XPO6: variants seen among roughly 807,000 people sequenced by gnomAD.
XPO6 encodes the protein exportin-6.
Under a neutral mutation model 130.0 loss-of-function variants are expected in XPO6, and 3 were observed. That is an observed-to-expected ratio of 0.02 (90% CI 0.01 to 0.06). The LOEUF is 0.06. Among genes scored for constraint, XPO6 ranks in the 10% least tolerant of loss-of-function variants. XPO6 has a pLI of 1.00. For missense variants in XPO6, 970 were observed against 1,393.0 expected (o/e 0.70, Z 4.83); for synonymous variants, 524 against 548.9 (o/e 0.95, Z 0.63).
At chr16:28,141,089 TGTC>T (rs2042883027) in intron 9 of XPO6, among the ~76,000 whole-genome samples, 1 of 152,248 alleles carries the variant, frequency 6.6e-6, no homozygotes, top group African/African-American at 2.4e-5. Context: ...TGCACCACAA[TGTC>T]ATGTGTAACA....
chr16:28,211,218 ACACTCTG>A (rs2044124278), intron 1 of XPO6, 141 bp downstream of exon 1: 1 of 784,536 alleles, frequency 1.3e-6, no homozygotes, highest in Admixed American at 4.3e-5. Context: ...CCGGGGCTGC[ACACTCTG>A]CACGCATGTG....
At chr16:28,124,192 G>C (rs1236940388) in intron 13 of XPO6, among the ~76,000 whole-genome samples, 1 of 151,898 alleles carries the variant, frequency 6.6e-6, no homozygotes, top group East Asian at 1.9e-4. Context: ...TGAGTATCTG[G>C]GATTACAGGC....
rs2086583759 is a variant in XPO6 at position 28,098,568 on chromosome 16, G to T, written c.3348C>A (p.Asp1116Glu). ...NDLRYYRLCNDSLPPGTVKL is the reference protein window; with the variant it reads ...NDLRYYRLCNESLPPGTVKL ...GCTTCACAGTGCCAGGGGGCAGGCT[G>T]TCGTTGCAGAGTCTGTAGTAGCGCA... Residue 1116 changes from aspartate to glutamate, a missense_variant, in exon 24 of 24, where the codon GAC (aspartate) becomes GAA (glutamate). By Grantham distance (45) the Asp-to-Glu change is conservative. Coordinates refer to ENST00000304658, the MANE Select transcript of XPO6 (RefSeq NM_015171.4). 6.2e-7 allele frequency: 1 copy of T among 1,612,698 alleles called. No individual in the cohort carries two copies. The highest frequency in any genetic ancestry group is 1.3e-5 in the African/African-American group (1 of 74,910).
intron 1 of XPO6, among the ~76,000 whole-genome samples, chr16:28,207,025 T>C (rs2044042488): frequency 6.6e-6 from 1 of 152,074 alleles, no homozygotes. Flanking sequence ...GGTGGGCAGA[T>C]CATCTGAGGT....
At chr16:28,205,909 G>C (rs752019318) in intron 1 of XPO6, among the ~76,000 whole-genome samples, 1 of 151,622 alleles carries the variant, frequency 6.6e-6, no homozygotes, top group Non-Finnish European at 1.5e-5. Context: ...ATGGTGGTGC[G>C]CACCTGTAGT....
At chr16:28,103,525 G>C (rs1481604852) in intron 21 of XPO6, among the ~76,000 whole-genome samples, 3 of 152,234 alleles carry the variant, frequency 2.0e-5, no homozygotes, top group Admixed American at 2.0e-4. Flanking sequence ...AGGTCATACA[G>C]TAACTACACA....
chr16:28,125,618 T>C (rs2087379223), intron 13 of XPO6, 71 bp downstream of exon 13: 7 of 1,548,706 alleles, frequency 4.5e-6, no homozygotes, highest in Non-Finnish European at 5.3e-6. Flanking sequence ...GGCAATATGC[T>C]GCCCCTCACA....
At chr16:28,186,214 ACCTTCTCC>A (rs1378527061) in intron 1 of XPO6, among the ~76,000 whole-genome samples, 1 of 151,960 alleles carries the variant, frequency 6.6e-6, no homozygotes, top group African/African-American at 2.4e-5. Flanking sequence ...GCAGGTTTGT[ACCTTCTCC>A]CTCACCACTA....
intron 16 of XPO6, among the ~76,000 whole-genome samples, chr16:28,112,287 C>A (rs1315759068): frequency 6.6e-6 from 1 of 152,186 alleles, no homozygotes; most frequent in Admixed American, 6.5e-5. Context: ...GGAAAAATCA[C>A]ACTGCAGACA....
chr16:28,186,387 T>TTTTTTTTTTGTTTTTTTTTTTTC (rs2043695807), intron 1 of XPO6, among the ~76,000 whole-genome samples: 1 of 143,708 alleles, frequency 7.0e-6, no homozygotes, highest in Non-Finnish European at 1.5e-5. Flanking sequence ...TTTTTTTTTT[T>TTTTTTTTTTGTTTTTTTTTTTTC]TTTTGCTAAA....
chr16:28,209,946 G>T (rs1178936008), intron 1 of XPO6, among the ~76,000 whole-genome samples: 1 of 151,998 alleles, frequency 6.6e-6, no homozygotes, highest in Non-Finnish European at 1.5e-5. Flanking sequence ...AGACCAGCCT[G>T]GGGAACGTGG....
At chr16:28,155,597 T>C (rs1437731151) in intron 7 of XPO6, 1 of 158,642 alleles carries the variant, frequency 6.3e-6, no homozygotes, top group Non-Finnish European at 1.4e-5. Context: ...GGTGTAAAAC[T>C]CACAATAACA....
At chr16:28,158,238 CG>C (rs1355072214) in intron 6 of XPO6, among the ~76,000 whole-genome samples, 1 of 152,086 alleles carries the variant, frequency 6.6e-6, no homozygotes, top group African/African-American at 2.4e-5. Context: ...CTGTTGATTA[CG>C]GGGAAGGGAG....
intron 2 of XPO6, chr16:28,179,122 G>C (rs905246600): frequency 6.6e-6 from 1 of 152,296 alleles, no homozygotes; most frequent in African/African-American, 2.4e-5. Flanking sequence ...AGGGCTCGTG[G>C]GGCTATGAAA....
chr16:28,146,274 A>G (rs997475203), intron 8 of XPO6, 71 bp from the exon 9 acceptor site: 1 of 1,108,080 alleles, frequency 9.0e-7, no homozygotes, highest in East Asian at 2.4e-5. Flanking sequence ...CACACATGCC[A>G]GTGTTTAATT....
At chr16:28,187,462 G>C (rs1181270218) in intron 1 of XPO6, among the ~76,000 whole-genome samples, 7 of 152,060 alleles carry the variant, frequency 4.6e-5, no homozygotes, top group African/African-American at 1.7e-4. Context: ...TGTGCAGCTT[G>C]ACCTTGGCCT....
At chr16:28,172,881 G>A (rs1051701447) in intron 4 of XPO6, among the ~76,000 whole-genome samples, 3 of 152,152 alleles carry the variant, frequency 2.0e-5, no homozygotes, top group Non-Finnish European at 2.9e-5. Context: ...AATACCTGAA[G>A]AAAATGTTTA....
At position 28,098,485 on chromosome 16, in the gene XPO6, G is replaced by C. The variant is rs2086580985; in HGVS notation, c.*53C>G. 26 of 1,493,818 alleles carry C rather than the reference G, an allele frequency of 1.7e-5. No homozygotes were observed. Among genetic ancestry groups the C allele is most frequent in the Middle Eastern group, 3.9e-4 (2 of 5,190 alleles). 92.5% of individuals were successfully genotyped at this position (1,493,818 alleles called of 1,614,324 possible). On this transcript the variant is annotated 3_prime_UTR_variant, in exon 24 of 24. Coordinates refer to ENST00000304658, the MANE Select transcript of XPO6 (RefSeq NM_015171.4). ...TGGGAGACATCTGTGGTGGAAGGTA[G>C]GGCTGGCGCAGGTGGCAGCAGCAGA...
In XPO6 at chr16:28,149,073, AC is replaced by A. The variant is rs869174128; in HGVS notation, c.1225-2871del. Among the ~76,000 whole-genome samples the A allele has an allele frequency of 3.2e-3, 430 of 136,460 alleles. 5 individuals carry two copies. Among genetic ancestry groups the A allele is most frequent in the African/African-American group, 0.011 (378 of 33,790 alleles). The allele number at this position is 136,460 out of a possible 152,430, so 89.5% of individuals were successfully genotyped here. A position where few individuals can be genotyped will look rare whatever the true frequency, so the allele number is the denominator to read the frequency against. Reference sequence around the variant, plus strand: ...AAAAAGAAAATAAAAAAAAAAAAAAACAAAAGGAAGGTGGATCTTAAGGCTC... The same window carrying A: ...AAAAAGAAAATAAAAAAAAAAAAAAAAAAAGGAAGGTGGATCTTAAGGCTC... On this transcript the variant is annotated intron_variant, in intron 8 of 23. Transcript: ENST00000304658.
Sources: gnomAD v4.1 joint callset for allele counts (sites outside exome capture counted in the v4.1 genomes callset) on GRCh38, gnomAD v4.1.1 for gene constraint, MANE v1.5 for transcripts, NCBI Gene and HGNC (gene_info 2026-07-23, HGNC 2026-07-21) for gene names.